Variants in MPC2 observed in about 807,000 individuals in gnomAD.
The protein encoded by MPC2 is brain protein 44.
A neutral mutation model predicts 19.2 loss-of-function variants in MPC2; 19 were observed. The observed-to-expected ratio is 0.99, with a 90% confidence interval of 0.69 to 1.45. The LOEUF (loss-of-function observed/expected upper bound fraction) is 1.45. Among genes scored for constraint, MPC2 ranks in the 40% most tolerant of loss-of-function variants. The pLI is 0.00. For synonymous variants in MPC2, 61 were observed against 54.3 expected (o/e 1.12, Z -0.54); for missense variants, 122 against 153.0 (o/e 0.80, Z 1.07).
chr1:167,934,238 T>A (rs1670993601), intron 2 of MPC2, among the ~76,000 whole-genome samples: 1 of 152,202 alleles, frequency 6.6e-6, no homozygotes, highest in Non-Finnish European at 1.5e-5. Flanking sequence ...AAGGTAAGAC[T>A]ACCCTCCAAT....
intron 2 of MPC2, among the ~76,000 whole-genome samples, chr1:167,925,222 T>TTA (rs1670703232): frequency 6.6e-6 from 1 of 151,876 alleles, no homozygotes; most frequent in Admixed American, 6.6e-5. Context: ...TTTACATATT[T>TTA]TACTCCAGTT....
chr1:167,920,130 G>A, intron 4 of MPC2, 40 bp from the exon 5 acceptor site: 2 of 1,271,174 alleles, frequency 1.6e-6, no homozygotes, highest in South Asian at 1.3e-5. Flanking sequence ...AATACATACT[G>A]CTTCAATAAC....
intron 2 of MPC2, among the ~76,000 whole-genome samples, chr1:167,932,800 C>A (rs1232836230): frequency 1.3e-3 from 170 of 135,860 alleles, no homozygotes; most frequent in Non-Finnish European, 2.2e-3. Flanking sequence ...CAGAGCAAGA[C>A]TCTGTCTCAA....
In MPC2 at chr1:167,916,749, C is replaced by G. The variant is rs980004757; in HGVS notation, c.*1574G>C. 2.0e-5 allele frequency: 3 copies of G among 152,156 alleles called. No individual in the cohort carries two copies. The highest frequency in any genetic ancestry group is 2.9e-5 in the Non-Finnish European group (2 of 68,016). 9.4% of individuals were successfully genotyped at this position (152,156 alleles called of 1,614,324 possible). The stretch of plus-strand genomic sequence containing the variant: ...CAAGCTCACATAAATTTTTAATAAA[C>G]TTTTTTGTGTCTATGTCATATTTCA... On this transcript the variant is annotated 3_prime_UTR_variant, in exon 6 of 6. Coordinates refer to ENST00000271373, the MANE Select transcript of MPC2 (RefSeq NM_001143674.4).
intron 5 of MPC2, among the ~76,000 whole-genome samples, chr1:167,919,365 C>T (rs1670544439): frequency 1.3e-5 from 2 of 152,192 alleles, no homozygotes; most frequent in Non-Finnish European, 2.9e-5. Context: ...TAAGAAGGAA[C>T]TTATTCCATG....
chr1:167,919,822 A>G (rs1670554983), intron 5 of MPC2, among the ~76,000 whole-genome samples, 157 bp downstream of exon 5: 1 of 152,100 alleles, frequency 6.6e-6, no homozygotes, highest in Middle Eastern at 3.4e-3. Flanking sequence ...TCTACTTTAG[A>G]TACTTCTTGT....
intron 2 of MPC2, among the ~76,000 whole-genome samples, chr1:167,925,449 A>G (rs1187357494): frequency 1.1e-4 from 11 of 104,592 alleles, no homozygotes; most frequent in African/African-American, 3.2e-4. Context: ...ACACATATAT[A>G]TATATATATA....
intron 2 of MPC2, 31 bp downstream of exon 2, chr1:167,935,702 T>G: frequency 6.6e-7 from 1 of 1,524,508 alleles, no homozygotes; most frequent in Non-Finnish European, 8.9e-7. Context: ...AGAAGGAAGG[T>G]CTCGATAAGG....
In MPC2 at chr1:167,935,915, G is replaced by A. The variant is rs1671147364; in HGVS notation, c.-57-17C>T. 2 of 1,179,814 alleles carry A rather than the reference G, an allele frequency of 1.7e-6. No homozygotes were observed. The highest frequency in any genetic ancestry group is 2.0e-5 in the Admixed American group (1 of 49,226). The allele number at this position is 1,179,814 out of a possible 1,614,324, so 73.1% of individuals were successfully genotyped here. On this transcript the variant is annotated splice_polypyrimidine_tract_variant and intron_variant, in intron 1 of 5. Coordinates refer to ENST00000271373, the MANE Select transcript of MPC2 (RefSeq NM_001143674.4). ...CGTCCCTGGCTGACAACGAAGGGGA[G>A]CTAGTCACTTTTCCTGCCACGACGA...
chr1:167,922,385 A>G (rs1349555726), intron 3 of MPC2, among the ~76,000 whole-genome samples: 1 of 152,148 alleles, frequency 6.6e-6, no homozygotes, highest in African/African-American at 2.4e-5. Flanking sequence ...AAACTGTGGT[A>G]AATTTGAGAT....
At chr1:167,931,270 C>G (rs931180658) in intron 2 of MPC2, among the ~76,000 whole-genome samples, 4 of 152,162 alleles carry the variant, frequency 2.6e-5, no homozygotes, top group African/African-American at 7.2e-5. Flanking sequence ...AATACAAACT[C>G]TGTGTGGGTG....
Position 167,928,418 on chromosome 1 carries a change from C to CT in MPC2, c.110-3882dup, listed in dbSNP as rs1177370506. Among the ~76,000 whole-genome samples, 5 of 151,444 alleles carry CT rather than the reference C, an allele frequency of 3.3e-5. No individual in the cohort carries two copies. The East Asian group carries it at 5.8e-4, about 18-fold the overall frequency. ...TTAACATTCAATTAACATTTCTTAG[C>CT]TTTTTTTTCCTGTAAGAGTAAATAA... is the stretch of plus-strand genomic sequence containing the variant. On this transcript the variant is annotated intron_variant, in intron 2 of 5. Transcript: ENST00000271373.
At chr1:167,925,546 G>GTTTTT (rs1557854280) in intron 2 of MPC2, among the ~76,000 whole-genome samples, 2 of 101,832 alleles carry the variant, frequency 2.0e-5, no homozygotes, top group Non-Finnish European at 2.0e-5. Context: ...TTTTTTTTTG[G>GTTTTT]TTTTTTTTGT....
chr1:167,920,725 G>GT (rs1670579858), intron 3 of MPC2, 94 bp from the exon 4 acceptor site: 1 of 1,222,210 alleles, frequency 8.2e-7, no homozygotes, highest in Non-Finnish European at 1.1e-6. Context: ...TGAGATTTCC[G>GT]TAAGTTAGCA....
At chr1:167,922,108 T>C (rs1247389762) in intron 3 of MPC2, among the ~76,000 whole-genome samples, 1 of 152,174 alleles carries the variant, frequency 6.6e-6, no homozygotes, top group Non-Finnish European at 1.5e-5. Flanking sequence ...TCAAATACTC[T>C]GGGATAGTAA....
chr1:167,932,903 A>G (rs1353703027), intron 2 of MPC2, among the ~76,000 whole-genome samples: 2 of 152,090 alleles, frequency 1.3e-5, no homozygotes, highest in East Asian at 1.9e-4. Context: ...ACTGGAGTAC[A>G]GCTATGCAAC....
chr1:167,923,868 C>G (rs980347401), intron 3 of MPC2, among the ~76,000 whole-genome samples: 19 of 152,100 alleles, frequency 1.2e-4, no homozygotes, highest in African/African-American at 4.3e-4. Flanking sequence ...CACTGCAGGT[C>G]CAGAGAGATG....
chr1:167,936,001 GA>G, intron 1 of MPC2, 103 bp from the exon 2 acceptor site: 1 of 631,176 alleles, frequency 1.6e-6, no homozygotes, highest in East Asian at 2.8e-5. Context: ...GCTGTGAACC[GA>G]AAAGCTGCGG....
intron 1 of MPC2, chr1:167,936,303 C>T (rs961798606): frequency 1.5e-4 from 29 of 194,986 alleles, no homozygotes; most frequent in Admixed American, 3.9e-4. Context: ...TTCTACTGCC[C>T]TTTCACTTTG....
Sources: allele counts gnomAD v4.1 joint callset (sites outside exome capture counted in the v4.1 genomes callset), GRCh38; gene constraint gnomAD v4.1.1; transcripts MANE v1.5; gene names NCBI Gene and HGNC (gene_info 2026-07-23, HGNC 2026-07-21).